PLEKHD1: variants seen among roughly 807,000 people sequenced by gnomAD.
The protein encoded by PLEKHD1 is pleckstrin homology domain-containing family D member 1.
Under a neutral mutation model 69.2 loss-of-function variants are expected in PLEKHD1, and 51 were observed. That is an observed-to-expected ratio of 0.74 (90% CI 0.59 to 0.93). PLEKHD1 has a LOEUF of 0.93. Among genes scored for constraint, PLEKHD1 ranks in the 40% least tolerant of loss-of-function variants. The probability of loss-of-function intolerance (pLI) is 0.00; values close to 1 mark genes in which losing one functional copy is unlikely to be tolerated. For synonymous variants in PLEKHD1, 236 were observed against 244.7 expected (o/e 0.96, Z 0.33); for missense variants, 584 against 641.0 (o/e 0.91, Z 0.96).
chr14:69,492,857 C>T (rs1882806711), intron 1 of PLEKHD1, among the ~76,000 whole-genome samples: 1 of 152,068 alleles, frequency 6.6e-6, no homozygotes, highest in Non-Finnish European at 1.5e-5. Flanking sequence ...GTAGCGTCGA[C>T]CTCCTGGTCT....
At chr14:69,500,994 T>A (rs1594979614) in intron 4 of PLEKHD1, 47 bp downstream of exon 4, 3 of 1,525,904 alleles carry the variant, frequency 2.0e-6, no homozygotes, top group Non-Finnish European at 1.8e-6. Flanking sequence ...CAGGATGGGG[T>A]GGGCGGGGCT....
chr14:69,496,494 G>A (rs1049824016), intron 1 of PLEKHD1, among the ~76,000 whole-genome samples: 1 of 152,048 alleles, frequency 6.6e-6, no homozygotes. Context: ...TCCCCACACG[G>A]TGGAGGAAGA....
At chr14:69,470,227 C>A in the PLEKHD1 span, among the ~76,000 whole-genome samples, 1 of 151,518 alleles carries the variant, frequency 6.6e-6, no homozygotes, top group African/African-American at 2.4e-5. Flanking sequence ...CTTTGGGGGG[C>A]CAAGGTGGGC....
At chr14:69,496,081 T>C (rs374968397) in intron 1 of PLEKHD1, among the ~76,000 whole-genome samples, 41 of 152,290 alleles carry the variant, frequency 2.7e-4, no homozygotes, top group African/African-American at 9.4e-4. Context: ...TAAGAGACAG[T>C]TATTTGTACC....
intron 1 of PLEKHD1, among the ~76,000 whole-genome samples, chr14:69,494,914 G>A (rs1162717789): frequency 6.6e-6 from 1 of 152,164 alleles, no homozygotes; most frequent in South Asian, 2.1e-4. Flanking sequence ...TGCTTGCCAG[G>A]TGAGCCCTCC....
At chr14:69,471,814 G>A in the PLEKHD1 span, among the ~76,000 whole-genome samples, 1 of 152,098 alleles carries the variant, frequency 6.6e-6, no homozygotes, top group African/African-American at 2.4e-5. Flanking sequence ...CTATACACAG[G>A]AAGCTCCTTG....
At chr14:69,503,949 G>A (rs1304463750) in intron 6 of PLEKHD1, among the ~76,000 whole-genome samples, 1 of 152,066 alleles carries the variant, frequency 6.6e-6, no homozygotes, top group Non-Finnish European at 1.5e-5. Flanking sequence ...ATTAAGGGCA[G>A]GGGGCGGTAG....
chr14:69,528,453 T>C lies in PLEKHD1; in HGVS notation c.*34T>C, dbSNP rs1883715266. On this transcript the variant is annotated 3_prime_UTR_variant, in exon 13 of 13. Coordinates refer to ENST00000322564, the MANE Select transcript of PLEKHD1 (RefSeq NM_001161498.2). Reference sequence around the variant, plus strand: ...CCTCCCCTGCTTCCCAAGTCTCCCCTGGATGGGCGGGGGAGGGGAAGGGGT... The same window carrying C: ...CCTCCCCTGCTTCCCAAGTCTCCCCCGGATGGGCGGGGGAGGGGAAGGGGT... 6.5e-7 allele frequency: 1 copy of C among 1,541,966 alleles called. No individual in the cohort carries two copies. The highest frequency in any genetic ancestry group is 2.4e-5 in the East Asian group (1 of 40,824).
intron 6 of PLEKHD1, among the ~76,000 whole-genome samples, chr14:69,519,123 C>T (rs1032603653): frequency 2.6e-5 from 4 of 152,036 alleles, no homozygotes; most frequent in Admixed American, 1.3e-4. Flanking sequence ...AATTTTGCTC[C>T]ATAAATGAAA....
rs1285070991 is a variant in PLEKHD1 at position 69,530,149 on chromosome 14, G to C, written c.*1730G>C. On this transcript the variant is annotated 3_prime_UTR_variant, in exon 13 of 13. Transcript: ENST00000322564. ...GAGCCCACAACCTATTCTGTGGGAA[G>C]AGGAGCATTGTTGCCTCTAAGAACA... 6.6e-6 allele frequency: 1 copy of C among 152,276 alleles called. No individual in the cohort carries two copies. Among genetic ancestry groups the C allele is most frequent in the Non-Finnish European group, 1.5e-5 (1 of 68,050 alleles). The allele number at this position is 152,276 out of a possible 1,614,324, so 9.4% of individuals were successfully genotyped here.
At chr14:69,515,195 C>T (rs538156881) in intron 6 of PLEKHD1, among the ~76,000 whole-genome samples, 1 of 152,260 alleles carries the variant, frequency 6.6e-6, no homozygotes, top group Admixed American at 6.5e-5. Context: ...GAGACTCTGT[C>T]TCAACAAACC....
chr14:69,476,994 T>TTTTA, the PLEKHD1 span, among the ~76,000 whole-genome samples: 6,128 of 149,414 alleles, frequency 0.041, 158 homozygotes, highest in African/African-American at 0.056. Context: ...CTCCCCTTTA[T>TTTTA]TTTATTTATT....
At chr14:69,522,727 C>A (rs1194876869) in intron 7 of PLEKHD1, among the ~76,000 whole-genome samples, 1 of 152,076 alleles carries the variant, frequency 6.6e-6, no homozygotes, top group Non-Finnish European at 1.5e-5. Flanking sequence ...GGCCAAGACC[C>A]TCAACATTTG....
intron 8 of PLEKHD1, 53 bp downstream of exon 8, chr14:69,524,375 C>A: frequency 1.4e-6 from 2 of 1,419,108 alleles, no homozygotes; most frequent in Non-Finnish European, 1.9e-6. Flanking sequence ...GTTGGTTGGA[C>A]CACATGACAC....
the PLEKHD1 span, among the ~76,000 whole-genome samples, chr14:69,474,320 T>C: frequency 1.7e-4 from 26 of 152,252 alleles, 1 homozygote; most frequent in South Asian, 5.4e-3. Context: ...CCCCACCAAA[T>C]GATCTGCTGG....
In PLEKHD1 at chr14:69,524,243, C is replaced by T; in HGVS notation, c.665C>T (p.Thr222Ile). 1.3e-6 allele frequency: 2 copies of T among 1,551,574 alleles called. No homozygotes were observed. Among genetic ancestry groups the T allele is most frequent in the Non-Finnish European group, 1.7e-6 (2 of 1,146,892 alleles). The stretch of plus-strand genomic sequence containing the variant: ...TGTCTCCACAGGGAGCTGGAACTGA[C>T]TGCAAGATGCCTTAAGGGTGTAGAA... ...QEQIKRELELTARCLKGVEQE... is the reference protein window; with the variant it reads ...QEQIKRELELIARCLKGVEQE... Residue 222 changes from threonine (T) to isoleucine (I), a missense_variant, in exon 8 of 13, where the codon ACT becomes ATT. Coordinates refer to ENST00000322564, the MANE Select transcript of PLEKHD1 (RefSeq NM_001161498.2).
upstream of PLEKHD1, among the ~76,000 whole-genome samples, chr14:69,481,192 G>C (rs527901352): frequency 6.6e-6 from 1 of 152,160 alleles, no homozygotes; most frequent in African/African-American, 2.4e-5. Context: ...ATGTGGTGGC[G>C]TGCATCTGTA....
At chr14:69,477,835 A>C in the PLEKHD1 span, among the ~76,000 whole-genome samples, 2 of 152,122 alleles carry the variant, frequency 1.3e-5, no homozygotes, top group African/African-American at 2.4e-5. Context: ...GGCTGCCTTC[A>C]CTGGCTGGTG....
the PLEKHD1 span, among the ~76,000 whole-genome samples, chr14:69,468,761 T>G: frequency 1.1e-4 from 17 of 152,240 alleles, no homozygotes; most frequent in Non-Finnish European, 2.4e-4. Context: ...TTTAATTTTT[T>G]GTAGAGATGG....
Sources: gnomAD v4.1 joint callset for allele counts (sites outside exome capture counted in the v4.1 genomes callset) on GRCh38, gnomAD v4.1.1 for gene constraint, MANE v1.5 for transcripts, NCBI Gene and HGNC (gene_info 2026-07-23, HGNC 2026-07-21) for gene names.